Variants in ACO1 observed in about 807,000 individuals in gnomAD.
The protein encoded by ACO1 is aconitase 1.
In ACO1, 78 loss-of-function variants were observed where a neutral mutation model predicts 105.1. The observed-to-expected ratio is 0.74, with a 90% confidence interval of 0.62 to 0.90. ACO1 has a LOEUF of 0.90. Among genes scored for constraint, ACO1 ranks in the 40% least tolerant of loss-of-function variants. ACO1 has a pLI of 0.00. For synonymous variants in ACO1, 364 were observed against 397.4 expected (o/e 0.92, Z 1.00); for missense variants, 965 against 1,111.1 (o/e 0.87, Z 1.87).
Position 32,430,342 on chromosome 9 carries a change from A to G in ACO1, c.1570-76A>G, listed in dbSNP as rs531089620. ...AGGACTGTATCCTTGCGATGTGGAA[A>G]CTCTTGCCAATGGTCTGAGACAAGA... On this transcript the variant is annotated intron_variant, in intron 13 of 20. Coordinates refer to ENST00000309951, the MANE Select transcript of ACO1 (RefSeq NM_002197.3). 9 of 1,441,894 alleles carry G rather than the reference A, an allele frequency of 6.2e-6. No individual in the cohort carries two copies. In the African/African-American group the frequency reaches 1.3e-4, roughly 21 times the overall value. 89.3% of individuals were successfully genotyped at this position (1,441,894 alleles called of 1,614,324 possible).
intron 4 of ACO1, among the ~76,000 whole-genome samples, chr9:32,415,978 C>A (rs1821838537): frequency 6.6e-6 from 1 of 152,090 alleles, no homozygotes; most frequent in South Asian, 2.1e-4. Context: ...GGGTTGTAGA[C>A]CCCAGCCCAT....
intron 1 of ACO1, among the ~76,000 whole-genome samples, chr9:32,399,316 G>A (rs1821439074): frequency 6.6e-6 from 1 of 152,162 alleles, no homozygotes; most frequent in Non-Finnish European, 1.5e-5. Context: ...AAAAGAAGAA[G>A]TTTAGATGCC....
At chr9:32,440,718 T>A in intron 19 of ACO1, 131 bp downstream of exon 19, 1 of 1,245,980 alleles carries the variant, frequency 8.0e-7, no homozygotes, top group Non-Finnish European at 1.1e-6. Context: ...AGGTAGTGTT[T>A]ATTCCTGGCC....
chr9:32,427,535 A>G, intron 12 of ACO1, 99 bp downstream of exon 12: 1 of 1,477,466 alleles, frequency 6.8e-7, no homozygotes, highest in South Asian at 1.2e-5. Flanking sequence ...TTATCTGATG[A>G]TATCTAATTG....
At chr9:32,428,100 C>T (rs1307036724) in intron 12 of ACO1, among the ~76,000 whole-genome samples, 1 of 140,928 alleles carries the variant, frequency 7.1e-6, no homozygotes, top group Non-Finnish European at 1.5e-5. Context: ...CATAGTGGGA[C>T]CCCTGTTTCT....
chr9:32,415,136 G>A (rs1821821204), intron 4 of ACO1, among the ~76,000 whole-genome samples: 1 of 152,208 alleles, frequency 6.6e-6, no homozygotes, highest in Non-Finnish European at 1.5e-5. Flanking sequence ...CAGTGTAGCT[G>A]AAGCTGAGAG....
chr9:32,408,250 T>G (rs898956044), intron 3 of ACO1, among the ~76,000 whole-genome samples: 1 of 152,230 alleles, frequency 6.6e-6, no homozygotes, highest in African/African-American at 2.4e-5. Context: ...CCATCATTGC[T>G]GTATTTAGAA....
At chr9:32,392,477 G>A (rs1821286133) in intron 1 of ACO1, among the ~76,000 whole-genome samples, 1 of 152,168 alleles carries the variant, frequency 6.6e-6, no homozygotes. Context: ...TGGGTGACCT[G>A]GCACTCATGG....
rs754861122 is a variant in ACO1 at position 32,407,277 on chromosome 9, G to A, written c.114G>A (p.Ser38=). The change falls in exon 3 of 21, where the codon TCG becomes TCA. Residue 38 remains serine (S), a synonymous_variant. Transcript: ENST00000309951. ...EDSRYGRLPF[S]IRVLLEAAIR... is the part of the protein sequence containing the mutation. Reference sequence around the variant, plus strand: ...AACTCTTAGGGCGCTTACCATTTTCGATCAGAGTTCTTCTGGAAGCAGCCA... The same window carrying A: ...AACTCTTAGGGCGCTTACCATTTTCAATCAGAGTTCTTCTGGAAGCAGCCA... The A allele has an allele frequency of 4.3e-6, 7 of 1,613,884 alleles. No homozygotes were observed. Among genetic ancestry groups the A allele is most frequent in the Admixed American group, 1.7e-5 (1 of 59,982 alleles).
At chr9:32,442,495 T>A (rs1822503792) in intron 19 of ACO1, among the ~76,000 whole-genome samples, 1 of 152,212 alleles carries the variant, frequency 6.6e-6, no homozygotes. Flanking sequence ...TGGAGTACCA[T>A]CCTTTATTGC....
At chr9:32,401,185 C>T (rs903927587) in intron 1 of ACO1, among the ~76,000 whole-genome samples, 1 of 151,290 alleles carries the variant, frequency 6.6e-6, no homozygotes, top group African/African-American at 2.5e-5. Context: ...AGTTGTTTTT[C>T]CAAAGTTTAG....
chr9:32,424,916 T>TTATTTACTC (rs1554661680), intron 10 of ACO1, among the ~76,000 whole-genome samples: 1 of 151,748 alleles, frequency 6.6e-6, no homozygotes, highest in Non-Finnish European at 1.5e-5. Context: ...ACCACACTGT[T>TTATTTACTC]TACTCACCCG....
chr9:32,419,673 T>C (rs1821927546), intron 7 of ACO1, among the ~76,000 whole-genome samples: 1 of 152,270 alleles, frequency 6.6e-6, no homozygotes, highest in African/African-American at 2.4e-5. Flanking sequence ...TTTATGTAAA[T>C]AGCAAGGTAG....
At chr9:32,387,222 G>T (rs1424031237) in intron 1 of ACO1, among the ~76,000 whole-genome samples, 2 of 152,212 alleles carry the variant, frequency 1.3e-5, no homozygotes, top group Non-Finnish European at 2.9e-5. Flanking sequence ...CTCGGGTTAA[G>T]ACACTTTCTC....
chr9:32,450,476 C>T lies in ACO1; in HGVS notation c.*365C>T. ...AAACCTTCTCAGGAGGTGTCTCCTA[C>T]CCTCTTATTGTTCCTCTTACGCTCT... On this transcript the variant is annotated 3_prime_UTR_variant, in exon 21 of 21. Transcript: ENST00000309951. 1 of 348,402 alleles carries T rather than the reference C, an allele frequency of 2.9e-6. No homozygotes were observed. The highest frequency in any genetic ancestry group is 2.1e-5 in the African/African-American group (1 of 46,862). 21.6% of individuals were successfully genotyped at this position (348,402 alleles called of 1,614,324 possible).
intron 13 of ACO1, among the ~76,000 whole-genome samples, 200 bp from the exon 14 acceptor site, chr9:32,430,218 T>G (rs998547033): frequency 6.6e-6 from 1 of 152,244 alleles, no homozygotes; most frequent in Non-Finnish European, 1.5e-5. Context: ...TCACTAAACA[T>G]GTCTCTGCTT....
intron 7 of ACO1, among the ~76,000 whole-genome samples, chr9:32,419,379 T>C (rs1167237884): frequency 6.6e-6 from 1 of 152,268 alleles, no homozygotes; most frequent in Non-Finnish European, 1.5e-5. Context: ...CTTCTAGTAT[T>C]GCTGCATCGA....
chr9:32,435,987 C>A (rs1326118084), intron 17 of ACO1: 2 of 616,938 alleles, frequency 3.2e-6, no homozygotes, highest in Admixed American at 4.2e-5. Context: ...AGACTTCCTT[C>A]TTATTTTTCT....
At chr9:32,417,163 TCA>T (rs1821868342) in intron 4 of ACO1, among the ~76,000 whole-genome samples, 1 of 152,200 alleles carries the variant, frequency 6.6e-6, no homozygotes. Context: ...TCTCTGTGTC[TCA>T]GTTTCCCCAC....
Sources: gnomAD v4.1 joint callset for allele counts (sites outside exome capture counted in the v4.1 genomes callset) on GRCh38, gnomAD v4.1.1 for gene constraint, MANE v1.5 for transcripts, NCBI Gene and HGNC (gene_info 2026-07-23, HGNC 2026-07-21) for gene names.